Variants in UBE2E2 observed in about 807,000 individuals in gnomAD.
UBE2E2 encodes ubiquitin conjugating enzyme E2 E2, also known as ubiquitin-conjugating enzyme E2 E2.
Under a neutral mutation model 24.7 loss-of-function variants are expected in UBE2E2, and 6 were observed. The observed-to-expected ratio is 0.24, with a 90% confidence interval of 0.13 to 0.48. The LOEUF (loss-of-function observed/expected upper bound fraction) is 0.48. UBE2E2 is among the 20% of genes least tolerant of loss of function. The pLI is 0.99. For synonymous variants in UBE2E2, 104 were observed against 83.6 expected (o/e 1.24, Z -1.33); for missense variants, 169 against 245.0 (o/e 0.69, Z 2.07).
chr3:23,261,519 CA>C (rs1697902092), intron 3 of UBE2E2, among the ~76,000 whole-genome samples: 1 of 152,090 alleles, frequency 6.6e-6, no homozygotes, highest in Non-Finnish European at 1.5e-5. Context: ...TGCAGGTATA[CA>C]GTATAGTATT....
At chr3:23,512,950 A>G (rs772928763) in intron 4 of UBE2E2, among the ~76,000 whole-genome samples, 9 of 152,158 alleles carry the variant, frequency 5.9e-5, no homozygotes, top group Non-Finnish European at 1.3e-4. Flanking sequence ...GCATACATAC[A>G]TACATAAAAA....
At chr3:23,562,597 G>C (rs555670833) in intron 5 of UBE2E2, among the ~76,000 whole-genome samples, 1 of 152,322 alleles carries the variant, frequency 6.6e-6, no homozygotes, top group African/African-American at 2.4e-5. Context: ...ATGAGTTAGG[G>C]AGGATTCCCT....
chr3:23,450,939 AT>A (rs1462506831), intron 3 of UBE2E2, among the ~76,000 whole-genome samples: 1 of 152,224 alleles, frequency 6.6e-6, no homozygotes, highest in Non-Finnish European at 1.5e-5. Flanking sequence ...GATTAATTAA[AT>A]TTGTAGTTTT....
intron 5 of UBE2E2, among the ~76,000 whole-genome samples, chr3:23,585,902 A>G (rs2125521895): frequency 7.7e-6 from 1 of 130,356 alleles, no homozygotes; most frequent in Non-Finnish European, 1.6e-5. Flanking sequence ...GGTTGATAAC[A>G]TGTTTTTTTT....
intron 3 of UBE2E2, among the ~76,000 whole-genome samples, chr3:23,219,825 T>C (rs182808902): frequency 6.6e-6 from 1 of 152,196 alleles, no homozygotes; most frequent in Non-Finnish European, 1.5e-5. Flanking sequence ...TTTACCTGTT[T>C]AGTCAGAGAG....
intron 4 of UBE2E2, among the ~76,000 whole-genome samples, chr3:23,511,521 G>A (rs974320339): frequency 6.6e-6 from 1 of 152,164 alleles, no homozygotes; most frequent in South Asian, 2.1e-4. Context: ...TGAGCTAGAG[G>A]TACTGATTTG....
At chr3:23,234,444 C>T (rs1697052389) in intron 3 of UBE2E2, among the ~76,000 whole-genome samples, 1 of 152,180 alleles carries the variant, frequency 6.6e-6, no homozygotes, top group Non-Finnish European at 1.5e-5. Flanking sequence ...TGACCTTCAG[C>T]TCCTCCATGG....
At chr3:23,379,976 C>A (rs1696625378) in intron 3 of UBE2E2, among the ~76,000 whole-genome samples, 1 of 151,606 alleles carries the variant, frequency 6.6e-6, no homozygotes, top group Middle Eastern at 3.4e-3. Flanking sequence ...GTCTTTCTCC[C>A]AGATACTGTC....
intron 2 of UBE2E2, among the ~76,000 whole-genome samples, chr3:23,210,608 A>T (rs1479735805): frequency 6.6e-6 from 1 of 152,196 alleles, no homozygotes; most frequent in Non-Finnish European, 1.5e-5. Flanking sequence ...ACGAGGGAAA[A>T]ATATAGAAGA....
At chr3:23,224,570 T>C (rs1397802121) in intron 3 of UBE2E2, among the ~76,000 whole-genome samples, 5 of 151,990 alleles carry the variant, frequency 3.3e-5, no homozygotes, top group Non-Finnish European at 5.9e-5. Flanking sequence ...GTAGAGTCTT[T>C]AGGTTTTAAC....
intron 3 of UBE2E2, among the ~76,000 whole-genome samples, chr3:23,340,997 G>T (rs1695371906): frequency 6.6e-6 from 1 of 152,134 alleles, no homozygotes; most frequent in Admixed American, 6.5e-5. Context: ...GCTTATATAA[G>T]TGAGTACATC....
chr3:23,560,407 T>G (rs1407700638), intron 5 of UBE2E2, among the ~76,000 whole-genome samples: 8 of 152,286 alleles, frequency 5.3e-5, no homozygotes, highest in Non-Finnish European at 8.8e-5. Flanking sequence ...CATCCTTTTT[T>G]ATGGCTGCAT....
chr3:23,454,092 A>G (rs1051428522), intron 3 of UBE2E2, among the ~76,000 whole-genome samples: 8 of 152,164 alleles, frequency 5.3e-5, no homozygotes, highest in African/African-American at 1.4e-4. Flanking sequence ...CTAGAACTTG[A>G]GGAATAAGAG....
chr3:23,486,988 C>G (rs759025293), intron 3 of UBE2E2, among the ~76,000 whole-genome samples: 1 of 152,210 alleles, frequency 6.6e-6, no homozygotes, highest in Non-Finnish European at 1.5e-5. Flanking sequence ...CTGTCTGCCT[C>G]CCACCACCAT....
intron 5 of UBE2E2, among the ~76,000 whole-genome samples, chr3:23,550,717 G>A (rs1362154989): frequency 6.6e-6 from 1 of 152,116 alleles, no homozygotes; most frequent in African/African-American, 2.4e-5. Flanking sequence ...CCCTACAATT[G>A]TCCCCAGCTT....
chr3:23,369,035 T>C (rs1467129410), intron 3 of UBE2E2, among the ~76,000 whole-genome samples: 1 of 152,202 alleles, frequency 6.6e-6, no homozygotes, highest in African/African-American at 2.4e-5. Context: ...TACTGTTTTT[T>C]ATAGCTGCAG....
intron 5 of UBE2E2, among the ~76,000 whole-genome samples, chr3:23,573,929 CTG>C (rs1306157304): frequency 6.6e-6 from 1 of 152,116 alleles, no homozygotes; most frequent in Non-Finnish European, 1.5e-5. Context: ...TGATGACACA[CTG>C]TCATTGAAAC....
chr3:23,440,101 C>G (rs1357851092), intron 3 of UBE2E2, among the ~76,000 whole-genome samples: 1 of 151,958 alleles, frequency 6.6e-6, no homozygotes, highest in Admixed American at 6.6e-5. Context: ...TGGTGAAACC[C>G]CATCTCTACT....
chr3:23,226,582 A>AT (rs1339886104), intron 3 of UBE2E2, among the ~76,000 whole-genome samples: 1 of 152,154 alleles, frequency 6.6e-6, no homozygotes, highest in African/African-American at 2.4e-5. Flanking sequence ...GGCTTTGAAG[A>AT]ATGGGTGGGA....
Sources: allele counts gnomAD v4.1 joint callset (sites outside exome capture counted in the v4.1 genomes callset), GRCh38; gene constraint gnomAD v4.1.1; transcripts MANE v1.5; gene names NCBI Gene and HGNC (gene_info 2026-07-23, HGNC 2026-07-21).